FSTL5: variants seen among roughly 807,000 people sequenced by gnomAD.
FSTL5 encodes follistatin-related protein 5.
Under a neutral mutation model 89.1 loss-of-function variants are expected in FSTL5, and 62 were observed. That is an observed-to-expected ratio of 0.70 (90% CI 0.57 to 0.86). The LOEUF is 0.86. Ranked by LOEUF, FSTL5 falls within the 40% of genes least tolerant of loss-of-function variation. FSTL5 has a pLI of 0.00. For missense variants in FSTL5, 1,057 were observed against 1,001.6 expected, an observed-to-expected ratio of 1.06 and a Z score of -0.75; for synonymous variants, 383 against 346.2, an observed-to-expected ratio of 1.11 and a Z score of -1.18.
At chr4:161,477,735 T>A (rs1295958813) in intron 13 of FSTL5, among the ~76,000 whole-genome samples, 1 of 151,992 alleles carries the variant, frequency 6.6e-6, no homozygotes, top group Admixed American at 6.6e-5. Context: ...TTTTAATTTT[T>A]AGAAGATATA....
chr4:161,734,452 C>G (rs2126765291), intron 6 of FSTL5, among the ~76,000 whole-genome samples: 1 of 152,232 alleles, frequency 6.6e-6, no homozygotes, highest in African/African-American at 2.4e-5. Flanking sequence ...CCTTCTGAAG[C>G]CTTGGACAAC....
chr4:161,992,862 ATATATATATATATATATAT>A (rs1392430683), intron 3 of FSTL5, among the ~76,000 whole-genome samples: 9 of 38,300 alleles, frequency 2.3e-4, no homozygotes, highest in African/African-American at 8.5e-4. Flanking sequence ...AAAAAAAAAA[ATATATATATATATATATAT>A]ATATATATAT....
At chr4:161,543,583 AT>A (rs2126546415) in intron 8 of FSTL5, among the ~76,000 whole-genome samples, 1 of 152,206 alleles carries the variant, frequency 6.6e-6, no homozygotes, top group African/African-American at 2.4e-5. Context: ...AAAACATGCA[AT>A]GAAGTAATCA....
intron 5 of FSTL5, among the ~76,000 whole-genome samples, chr4:161,766,955 G>T (rs372689127): frequency 2.8e-5 from 4 of 144,936 alleles, no homozygotes; most frequent in Non-Finnish European, 6.2e-5. Flanking sequence ...TAGATAGATA[G>T]ATCTCACTCC....
chr4:161,894,253 C>A (rs563799695), intron 4 of FSTL5, among the ~76,000 whole-genome samples: 1 of 151,888 alleles, frequency 6.6e-6, no homozygotes, highest in Non-Finnish European at 1.5e-5. Context: ...CTTTCTATTA[C>A]GTGATAATGG....
At position 161,468,010 on chromosome 4, in the gene FSTL5, CAGG is replaced by C. The variant is rs1414012660; in HGVS notation, c.1609-8694_1609-8692del. Among the ~76,000 whole-genome samples the C allele has an allele frequency of 3.9e-5, 6 of 152,074 alleles. No individual in the cohort carries two copies. In the South Asian group the frequency reaches 1.2e-3, roughly 31 times the overall value. ...TATGGAAATTTTCATTCCATATACTCAGGAGATCACTAAATTTCTATAGAATAG... is the reference window on the plus strand; with the variant it reads ...TATGGAAATTTTCATTCCATATACTCAGATCACTAAATTTCTATAGAATAG... On this transcript the variant is annotated intron_variant, in intron 13 of 15. Transcript: ENST00000306100.
intron 6 of FSTL5, among the ~76,000 whole-genome samples, chr4:161,726,517 C>T (rs772893953): frequency 2.0e-5 from 3 of 151,838 alleles, no homozygotes; most frequent in Admixed American, 6.6e-5. Flanking sequence ...CATGAGCCGC[C>T]GCGCCTGGAC....
intron 15 of FSTL5, among the ~76,000 whole-genome samples, chr4:161,388,758 C>G (rs1359182141): frequency 1.3e-5 from 2 of 152,046 alleles, no homozygotes; most frequent in Non-Finnish European, 2.9e-5. Context: ...TTTCAGCTCT[C>G]CTCTTAACCT....
At position 161,569,788 on chromosome 4, in the gene FSTL5, CA is replaced by C. The variant is rs1560958227; in HGVS notation, c.1015+17666del. Reference sequence around the variant, plus strand: ...ACACACACACACACACACACACACACACACACACACACCCCACATTGTGGCT... The same window carrying C: ...ACACACACACACACACACACACACACCACACACACACCCCACATTGTGGCT... On this transcript the variant is annotated intron_variant, in intron 8 of 15. Coordinates refer to ENST00000306100, the MANE Select transcript of FSTL5 (RefSeq NM_020116.5). 3.8e-4 allele frequency among the ~76,000 whole-genome samples: 57 copies of C among 151,312 alleles called. 1 individual carries two copies. The Middle Eastern group carries it at 0.017, about 45-fold the overall frequency.
At position 161,651,153 on chromosome 4, in the gene FSTL5, A is replaced by C. The variant is rs1466327768; in HGVS notation, c.894+5175T>G. The stretch of plus-strand genomic sequence containing the variant: ...AAAGGAACTCACAAACCAGGAACCA[A>C]ATCAAAATAAGGCATTTAGCTTTTT... On this transcript the variant is annotated intron_variant, in intron 7 of 15. Coordinates refer to ENST00000306100, the MANE Select transcript of FSTL5 (RefSeq NM_020116.5). Among the ~76,000 whole-genome samples, 8 of 152,128 alleles carry C rather than the reference A, an allele frequency of 5.3e-5. No individual in the cohort carries two copies. The East Asian group carries it at 1.5e-3, about 29-fold the overall frequency.
At chr4:161,825,387 AG>A (rs1730637096) in intron 4 of FSTL5, among the ~76,000 whole-genome samples, 1 of 152,092 alleles carries the variant, frequency 6.6e-6, no homozygotes, top group South Asian at 2.1e-4. Flanking sequence ...TTTTGGTATT[AG>A]GGTGATACTG....
At chr4:161,963,905 A>G (rs1735250603) in intron 3 of FSTL5, among the ~76,000 whole-genome samples, 1 of 151,968 alleles carries the variant, frequency 6.6e-6, no homozygotes, top group South Asian at 2.1e-4. Context: ...ACTGATTGTA[A>G]TAGTGATCTT....
chr4:161,496,184 T>C (rs1730062951), intron 12 of FSTL5, among the ~76,000 whole-genome samples: 1 of 152,190 alleles, frequency 6.6e-6, no homozygotes, highest in African/African-American at 2.4e-5. Context: ...TTTTGTTAAA[T>C]TCATTTAACA....
intron 11 of FSTL5, among the ~76,000 whole-genome samples, chr4:161,510,033 T>G (rs945523647): frequency 3.9e-5 from 6 of 152,302 alleles, no homozygotes; most frequent in Non-Finnish European, 8.8e-5. Context: ...TTAATATAAT[T>G]TATTATATCC....
intron 6 of FSTL5, among the ~76,000 whole-genome samples, chr4:161,677,794 T>C (rs12331170): frequency 0.028 from 4,294 of 151,980 alleles, 112 homozygotes; most frequent in South Asian, 0.13. Context: ...AATAAATAGA[T>C]CTTTCAAACT....
At chr4:161,450,881 C>T (rs1354299681) in intron 15 of FSTL5, among the ~76,000 whole-genome samples, 1 of 151,614 alleles carries the variant, frequency 6.6e-6, no homozygotes, top group Non-Finnish European at 1.5e-5. Context: ...GTAGCTGGGA[C>T]TACAGGCGCC....
chr4:161,991,733 C>A lies in FSTL5; in HGVS notation c.160+41892G>T, dbSNP rs768956694. On this transcript the variant is annotated intron_variant, in intron 3 of 15. Transcript: ENST00000306100. ...TGGATTTTGGTACATGCAGGTGTCC[C>A]GGAGCCAATCCCCTGCAAATGCGGA... 4.6e-5 allele frequency among the ~76,000 whole-genome samples: 7 copies of A among 152,030 alleles called. 1 individual carries two copies. The East Asian group carries it at 1.4e-3, about 29-fold the overall frequency.
At chr4:161,952,296 C>T (rs1026291857) in intron 3 of FSTL5, among the ~76,000 whole-genome samples, 2 of 151,940 alleles carry the variant, frequency 1.3e-5, no homozygotes, top group East Asian at 1.9e-4. Context: ...GAAAAATATG[C>T]CTCAAGGGAA....
chr4:162,048,200 G>A (rs1008868172), intron 2 of FSTL5, among the ~76,000 whole-genome samples: 1 of 151,842 alleles, frequency 6.6e-6, no homozygotes, highest in Non-Finnish European at 1.5e-5. Flanking sequence ...GGTGGCACGT[G>A]CTTGTATTCT....
Sources: gnomAD v4.1 joint callset for allele counts (sites outside exome capture counted in the v4.1 genomes callset) on GRCh38, gnomAD v4.1.1 for gene constraint, MANE v1.5 for transcripts, NCBI Gene and HGNC (gene_info 2026-07-23, HGNC 2026-07-21) for gene names.